TUSC3: variants seen among roughly 807,000 people sequenced by gnomAD.
TUSC3 encodes the protein dolichyl-diphosphooligosaccharide--protein glycosyltransferase subunit TUSC3.
TUSC3 carries 45 observed loss-of-function variants against 44.8 expected under a neutral mutation model. The observed-to-expected ratio is 1.00, with a 90% CI of 0.79 to 1.29. TUSC3 has a LOEUF of 1.29. TUSC3 is among the 50% of genes most tolerant of loss of function. TUSC3 has a pLI of 0.00. For synonymous variants in TUSC3, 212 were observed against 152.9 expected, an observed-to-expected ratio of 1.39 and a Z score of -2.85; for missense variants, 519 against 437.9, an observed-to-expected ratio of 1.19 and a Z score of -1.65.
intron 1 of TUSC3, among the ~76,000 whole-genome samples, chr8:15,556,076 T>C (rs1161164639): frequency 1.3e-5 from 2 of 150,978 alleles, no homozygotes; most frequent in African/African-American, 2.4e-5. Context: ...TACATATGTA[T>C]ACATGTGCCA....
At chr8:15,600,743 C>G (rs1029711407) in intron 1 of TUSC3, among the ~76,000 whole-genome samples, 4 of 151,614 alleles carry the variant, frequency 2.6e-5, no homozygotes, top group African/African-American at 9.7e-5. Flanking sequence ...CTCTCAACAA[C>G]TAGTTAAGCT....
At chr8:15,508,552 C>G (rs1311019996) in intron 2 of TUSC3, among the ~76,000 whole-genome samples, 1 of 148,026 alleles carries the variant, frequency 6.8e-6, no homozygotes, top group Non-Finnish European at 1.5e-5. Context: ...AGCTCCGCCT[C>G]CCGGGTTCGT....
At chr8:15,421,815 C>T (rs542780111) in intron 1 of TUSC3, among the ~76,000 whole-genome samples, 3 of 152,218 alleles carry the variant, frequency 2.0e-5, no homozygotes, top group South Asian at 2.1e-4. Context: ...TAGGATGACA[C>T]GTGCCTAGTC....
the TUSC3 span, among the ~76,000 whole-genome samples, chr8:15,830,612 C>A: frequency 6.6e-6 from 1 of 152,242 alleles, no homozygotes; most frequent in Middle Eastern, 3.4e-3. Flanking sequence ...TATGTAGCAA[C>A]ACAGGTAGAG....
intron 1 of TUSC3, among the ~76,000 whole-genome samples, chr8:15,460,382 G>A (rs535360305): frequency 6.6e-6 from 1 of 152,136 alleles, no homozygotes; most frequent in African/African-American, 2.4e-5. Flanking sequence ...TTTTCTATGG[G>A]ATTGCTTGTT....
chr8:15,676,351 C>T (rs1291103699), intron 6 of TUSC3, among the ~76,000 whole-genome samples: 9 of 152,102 alleles, frequency 5.9e-5, no homozygotes, highest in Non-Finnish European at 1.3e-4. Flanking sequence ...ATTTAAGTTG[C>T]TTATAGATTC....
intron 2 of TUSC3, among the ~76,000 whole-genome samples, chr8:15,642,932 T>C (rs1223638495): frequency 6.6e-6 from 1 of 152,210 alleles, no homozygotes; most frequent in East Asian, 1.9e-4. Context: ...TGCACAAATA[T>C]TAAATACATA....
chr8:15,804,838 C>G, the TUSC3 span, among the ~76,000 whole-genome samples: 4 of 151,906 alleles, frequency 2.6e-5, no homozygotes, highest in African/African-American at 9.7e-5. Context: ...GAATTTTGAA[C>G]TAGTTTTTTT....
intron 6 of TUSC3, among the ~76,000 whole-genome samples, chr8:15,725,603 C>CTGATGATGATGATGA (rs56849270): frequency 5.9e-5 from 9 of 151,314 alleles, no homozygotes; most frequent in Non-Finnish European, 7.4e-5. Flanking sequence ...TCTTAGATGA[C>CTGATGATGATGATGA]TGATGATGAT....
At chr8:15,841,772 C>T in the TUSC3 span, among the ~76,000 whole-genome samples, 2 of 152,116 alleles carry the variant, frequency 1.3e-5, no homozygotes, top group African/African-American at 4.8e-5. Flanking sequence ...CCTTGGCCTC[C>T]CAAAGTGCTG....
chr8:15,470,270 A>C (rs1472492351), intron 1 of TUSC3, among the ~76,000 whole-genome samples: 3 of 151,868 alleles, frequency 2.0e-5, no homozygotes, highest in Non-Finnish European at 4.4e-5. Flanking sequence ...AAAAAAAAAA[A>C]AAAAAGCATT....
chr8:15,692,357 A>ACCCCCC (rs57593991), intron 6 of TUSC3, among the ~76,000 whole-genome samples: 2 of 88,134 alleles, frequency 2.3e-5, no homozygotes, highest in Non-Finnish European at 4.1e-5. Context: ...TTGGGAGGAG[A>ACCCCCC]CCCCCCCCCC....
the TUSC3 span, among the ~76,000 whole-genome samples, chr8:15,818,349 T>A: frequency 6.6e-6 from 1 of 152,222 alleles, no homozygotes; most frequent in Admixed American, 6.5e-5. Flanking sequence ...TTTTCAGCTT[T>A]TTCCTTAGAG....
At chr8:15,456,868 C>G (rs1338713263) in intron 1 of TUSC3, among the ~76,000 whole-genome samples, 1 of 151,976 alleles carries the variant, frequency 6.6e-6, no homozygotes, top group Admixed American at 6.6e-5. Flanking sequence ...TAATAGAGAA[C>G]TATTTCTTAA....
At chr8:15,473,156 C>T (rs780336918) in intron 1 of TUSC3, among the ~76,000 whole-genome samples, 1 of 152,150 alleles carries the variant, frequency 6.6e-6, no homozygotes, top group East Asian at 1.9e-4. Context: ...AGAATATTAA[C>T]TTATTTCTGA....
At chr8:15,758,248 A>G (rs1812015499) in intron 10 of TUSC3, 1 of 987,372 alleles carries the variant, frequency 1.0e-6, no homozygotes, top group African/African-American at 1.7e-5. Context: ...CTTAATATTC[A>G]AGGGTAATAA....
intron 1 of TUSC3, among the ~76,000 whole-genome samples, chr8:15,482,334 C>A (rs1800673883): frequency 6.6e-6 from 1 of 152,176 alleles, no homozygotes. Context: ...ATTGTGATTT[C>A]CTTTCATGAA....
intron 1 of TUSC3, among the ~76,000 whole-genome samples, chr8:15,477,003 A>T (rs773038082): frequency 6.6e-6 from 1 of 152,214 alleles, no homozygotes; most frequent in African/African-American, 2.4e-5. Context: ...ATTGCAATCA[A>T]TGTGATTGGT....
chr8:15,434,530 CTTT>C (rs59579003), intron 1 of TUSC3, among the ~76,000 whole-genome samples: 64 of 135,658 alleles, frequency 4.7e-4, no homozygotes, highest in African/African-American at 1.4e-3. Context: ...AAAGCCATTC[CTTT>C]TTTTTTTTTT....
Sources: gnomAD v4.1 joint callset for allele counts (sites outside exome capture counted in the v4.1 genomes callset) on GRCh38, gnomAD v4.1.1 for gene constraint, MANE v1.5 for transcripts, NCBI Gene and HGNC (gene_info 2026-07-23, HGNC 2026-07-21) for gene names.